CNTNAP2: variants seen among roughly 807,000 people sequenced by gnomAD.
The protein encoded by CNTNAP2 is contactin-associated protein-like 2.
Under a neutral mutation model 155.2 loss-of-function variants are expected in CNTNAP2, and 98 were observed. The ratio of observed to expected loss-of-function variants is 0.63; its 90% CI spans 0.54 to 0.75. The LOEUF (loss-of-function observed/expected upper bound fraction) is 0.75. Among genes scored for constraint, CNTNAP2 ranks in the 30% least tolerant of loss-of-function variants. The probability of loss-of-function intolerance (pLI) is 0.00; values close to 1 mark genes in which losing one functional copy is unlikely to be tolerated. For missense variants in CNTNAP2, 1,727 were observed against 1,688.1 expected, an observed-to-expected ratio of 1.02 and a Z score of -0.40; for synonymous variants, 651 against 631.2, an observed-to-expected ratio of 1.03 and a Z score of -0.47.
chr7:147,225,910 G>GGAAGGAAGGAAA (rs1431224337), intron 8 of CNTNAP2, among the ~76,000 whole-genome samples: 2 of 108,252 alleles, frequency 1.8e-5, no homozygotes, highest in Admixed American at 1.9e-4. Context: ...AAGGAAAGAA[G>GGAAGGAAGGAAA]GAAGGAAGGA....
chr7:146,671,429 T>TCACTCACACACACACA (rs1554465672), intron 1 of CNTNAP2, among the ~76,000 whole-genome samples: 2 of 148,300 alleles, frequency 1.3e-5, no homozygotes, highest in South Asian at 2.2e-4. Context: ...TTTTTGTCAC[T>TCACTCACACACACACA]CACACACACA....
chr7:147,400,166 T>A (rs1457613021), intron 10 of CNTNAP2, among the ~76,000 whole-genome samples: 1 of 152,078 alleles, frequency 6.6e-6, no homozygotes, highest in East Asian at 1.9e-4. Context: ...AACACTCCTT[T>A]AGCCACAGTT....
At chr7:147,343,005 A>T (rs553323660) in intron 9 of CNTNAP2, among the ~76,000 whole-genome samples, 1 of 152,088 alleles carries the variant, frequency 6.6e-6, no homozygotes, top group Non-Finnish European at 1.5e-5. Context: ...TTACCATTCT[A>T]ATGTGTTAAA....
chr7:148,155,889 A>G (rs958270520), intron 17 of CNTNAP2, among the ~76,000 whole-genome samples: 27 of 152,140 alleles, frequency 1.8e-4, no homozygotes, highest in Non-Finnish European at 4.4e-5. Flanking sequence ...GTATGTGGAA[A>G]GGTGCGGTGA....
intron 15 of CNTNAP2, among the ~76,000 whole-genome samples, chr7:147,999,020 G>C (rs1460798687): frequency 6.6e-6 from 1 of 152,080 alleles, no homozygotes; most frequent in African/African-American, 2.4e-5. Context: ...CTTACAGTAG[G>C]TTCCACATCC....
intron 2 of CNTNAP2, among the ~76,000 whole-genome samples, chr7:146,838,998 G>A (rs1201342246): frequency 6.6e-6 from 1 of 152,058 alleles, no homozygotes; most frequent in African/African-American, 2.4e-5. Flanking sequence ...TGATCTATAT[G>A]AGTGCCATTT....
chr7:147,570,434 A>T (rs923270386), intron 12 of CNTNAP2, among the ~76,000 whole-genome samples: 1 of 152,242 alleles, frequency 6.6e-6, no homozygotes, highest in Admixed American at 6.5e-5. Context: ...TTTACTGTTA[A>T]TGCTCTTATA....
At chr7:147,405,146 A>G (rs1796984032) in intron 10 of CNTNAP2, among the ~76,000 whole-genome samples, 1 of 152,198 alleles carries the variant, frequency 6.6e-6, no homozygotes, top group African/African-American at 2.4e-5. Context: ...AAACAGTTAT[A>G]TGTTTGAAGA....
intron 21 of CNTNAP2, among the ~76,000 whole-genome samples, chr7:148,361,431 G>C (rs772452785): frequency 6.6e-6 from 1 of 152,116 alleles, no homozygotes; most frequent in East Asian, 1.9e-4. Flanking sequence ...TCACAGTTCC[G>C]GAGCCCAGAG....
intron 15 of CNTNAP2, among the ~76,000 whole-genome samples, chr7:148,000,010 G>A (rs1255404096): frequency 6.6e-6 from 1 of 152,194 alleles, no homozygotes; most frequent in Non-Finnish European, 1.5e-5. Flanking sequence ...AAAGTAGCCT[G>A]AGGAGCCTAA....
At chr7:147,007,999 T>C (rs1315008796) in intron 3 of CNTNAP2, among the ~76,000 whole-genome samples, 1 of 152,148 alleles carries the variant, frequency 6.6e-6, no homozygotes, top group Non-Finnish European at 1.5e-5. Flanking sequence ...TTAAAATTAT[T>C]TAATATGACA....
intron 9 of CNTNAP2, among the ~76,000 whole-genome samples, chr7:147,360,438 G>A (rs892130352): frequency 6.6e-6 from 1 of 151,936 alleles, no homozygotes; most frequent in Non-Finnish European, 1.5e-5. Flanking sequence ...AAAGTGTGTT[G>A]ACCATACCAG....
intron 3 of CNTNAP2, among the ~76,000 whole-genome samples, chr7:147,036,536 A>G (rs1005799587): frequency 6.6e-6 from 1 of 152,214 alleles, no homozygotes; most frequent in Admixed American, 6.5e-5. Context: ...TGTGAGATAC[A>G]TATATGCTAT....
At chr7:148,396,586 A>C (rs1278827523) in intron 22 of CNTNAP2, among the ~76,000 whole-genome samples, 1 of 152,148 alleles carries the variant, frequency 6.6e-6, no homozygotes, top group African/African-American at 2.4e-5. Context: ...CCTTGCTATG[A>C]TCTCTACAGT....
At chr7:146,699,388 C>A (rs1800837397) in intron 1 of CNTNAP2, among the ~76,000 whole-genome samples, 1 of 151,950 alleles carries the variant, frequency 6.6e-6, no homozygotes, top group Non-Finnish European at 1.5e-5. Context: ...CACTTGTATT[C>A]CCTCATTATT....
intron 9 of CNTNAP2, among the ~76,000 whole-genome samples, chr7:147,385,370 T>C (rs187248261): frequency 5.1e-4 from 78 of 152,224 alleles, no homozygotes; most frequent in Non-Finnish European, 1.2e-4. Context: ...CAAAAGTCCA[T>C]AGTCCAACGT....
At chr7:146,846,197 G>A (rs1349219221) in intron 3 of CNTNAP2, among the ~76,000 whole-genome samples, 2 of 152,046 alleles carry the variant, frequency 1.3e-5, no homozygotes, top group African/African-American at 4.8e-5. Context: ...TTCCCCAAAA[G>A]ATGAGTATTA....
intron 14 of CNTNAP2, among the ~76,000 whole-genome samples, chr7:147,917,729 C>T (rs781498428): frequency 2.6e-5 from 4 of 152,172 alleles, no homozygotes; most frequent in African/African-American, 4.8e-5. Flanking sequence ...TAAGGGGCAA[C>T]TAAGAGCCTC....
chr7:146,866,855 CA>C (rs1795214854), intron 3 of CNTNAP2, among the ~76,000 whole-genome samples: 2 of 151,980 alleles, frequency 1.3e-5, no homozygotes, highest in African/African-American at 4.8e-5. Context: ...TAAAAGTAAA[CA>C]AGATAGATGT....
Sources: allele counts gnomAD v4.1 joint callset (sites outside exome capture counted in the v4.1 genomes callset), GRCh38; gene constraint gnomAD v4.1.1; transcripts MANE v1.5; gene names NCBI Gene and HGNC (gene_info 2026-07-23, HGNC 2026-07-21).